Variants in ATRX observed in about 807,000 individuals in gnomAD.
The protein encoded by ATRX is ATRX chromatin remodeler, also known as chromatin remodeler ATRX.
ATRX carries 12 observed loss-of-function variants against 172.6 expected under a neutral mutation model. The ratio of observed to expected loss-of-function variants is 0.07; its 90% CI spans 0.04 to 0.11. ATRX has a LOEUF of 0.11. Among genes scored for constraint, ATRX ranks in the 10% least tolerant of loss-of-function variants. The pLI is 1.00. For synonymous variants in ATRX, 674 were observed against 594.7 expected (o/e 1.13, Z -1.94); for missense variants, 1,368 against 1,767.4 (o/e 0.77, Z 4.05).
At position 77,558,657 on chromosome X, in the gene ATRX, T is replaced by G. The variant is rs1434581448; in HGVS notation, c.6504+12A>C. The G allele has an allele frequency of 8.5e-7, 1 of 1,171,993 alleles. No homozygotes were observed. Among genetic ancestry groups the G allele is most frequent in the East Asian group, 3.0e-5 (1 of 33,528 alleles). ...TAAACTTTCAATATGAAAAAGAGAA[T>G]TATAAACCTACCTGAGCTAAGAACC... On this transcript the variant is annotated intron_variant, in intron 29 of 34. Coordinates refer to ENST00000373344, the MANE Select transcript of ATRX (RefSeq NM_000489.6).
intron 30 of ATRX, among the ~76,000 whole-genome samples, chrX:77,554,648 T>A: frequency 8.9e-6 from 1 of 111,775 alleles, no homozygotes; most frequent in Middle Eastern, 4.6e-3. Context: ...TCACACTTGA[T>A]TCTTCCCTTT....
Position 77,558,807 on chromosome X carries a change from T to G in ATRX, c.6366A>C (p.Leu2122=), listed in dbSNP as rs1239403082. The part of the protein sequence containing the change: ...LFIISTKAGS[L]GINLVAANRV... ...GATTAGCAGCTACCAGATTAATTCC[T>G]AGAGATCCTGCTTTAGTAGAAATGA... The change falls in exon 29 of 35, where the codon CTA becomes CTC. Residue 2122 remains leucine, a synonymous_variant. Transcript: ENST00000373344. 3 of 1,204,651 alleles carry G rather than the reference T, an allele frequency of 2.5e-6. No homozygotes were observed. The highest frequency in any genetic ancestry group is 4.6e-4 in the Middle Eastern group (2 of 4,323).
chrX:77,563,344 G>A (rs2065081811), intron 28 of ATRX, among the ~76,000 whole-genome samples: 1 of 112,379 alleles, frequency 8.9e-6, no homozygotes, highest in African/African-American at 3.2e-5. Context: ...AAAAGGCTAT[G>A]CTCTCTCCAT....
intron 17 of ATRX, among the ~76,000 whole-genome samples, chrX:77,634,231 G>GAAA (rs2068240342): frequency 1.7e-4 from 2 of 12,086 alleles, no homozygotes; most frequent in East Asian, 1.7e-3. Context: ...GTTAAAAGTT[G>GAAA]TAAAAAAAAA....
intron 34 of ATRX, among the ~76,000 whole-genome samples, chrX:77,515,711 A>G (rs372873579): frequency 8.9e-6 from 1 of 112,028 alleles, no homozygotes; most frequent in East Asian, 2.8e-4. Flanking sequence ...CAAATTCAAC[A>G]TGTTATAGAC....
At chrX:77,567,301 A>G (rs985871793) in intron 28 of ATRX, among the ~76,000 whole-genome samples, 3 of 111,961 alleles carry the variant, frequency 2.7e-5, no homozygotes, top group Admixed American at 9.5e-5. Flanking sequence ...TTTAAAAGAA[A>G]AATTAAGTGG....
chrX:77,571,889 A>G (rs1390311158), intron 28 of ATRX, among the ~76,000 whole-genome samples: 1 of 111,441 alleles, frequency 9.0e-6, no homozygotes, highest in East Asian at 2.8e-4. Flanking sequence ...CAGGTCACAC[A>G]AAACAACAAC....
chrX:77,781,454 A>AG (rs1309627530), intron 1 of ATRX, among the ~76,000 whole-genome samples: 1 of 108,274 alleles, frequency 9.2e-6, no homozygotes, highest in African/African-American at 3.3e-5. Context: ...AAAAAAAAAA[A>AG]AAAAAAAAAA....
intron 1 of ATRX, among the ~76,000 whole-genome samples, chrX:77,742,874 C>T (rs1557182950): frequency 8.9e-6 from 1 of 111,832 alleles, no homozygotes; most frequent in Non-Finnish European, 1.9e-5. Flanking sequence ...GGAGGGAACA[C>T]ATTCTGTGTC....
chrX:77,752,308 A>G (rs1370435821), intron 1 of ATRX, among the ~76,000 whole-genome samples: 1 of 111,423 alleles, frequency 9.0e-6, no homozygotes, highest in Non-Finnish European at 1.9e-5. Context: ...AATGCTTATG[A>G]TTTTTGCACA....
intron 27 of ATRX, among the ~76,000 whole-genome samples, chrX:77,577,661 C>T (rs1457578781): frequency 5.4e-5 from 6 of 111,244 alleles, no homozygotes; most frequent in African/African-American, 2.0e-4. Context: ...GCCAAGATGG[C>T]TTCAATGCTG....
intron 1 of ATRX, among the ~76,000 whole-genome samples, chrX:77,759,331 G>A (rs1350991091): frequency 2.7e-5 from 3 of 109,599 alleles, no homozygotes; most frequent in Non-Finnish European, 5.7e-5. Context: ...ATGCTCATGA[G>A]AACAGTCTTT....
chrX:77,539,714 C>T (rs782623146), intron 30 of ATRX, among the ~76,000 whole-genome samples: 43 of 111,790 alleles, frequency 3.8e-4, no homozygotes, highest in African/African-American at 1.3e-3. Context: ...TCCAGCTAAA[C>T]TAAGCTTTAT....
intron 34 of ATRX, among the ~76,000 whole-genome samples, chrX:77,513,800 AAGAG>A (rs2062959962): frequency 1.8e-5 from 2 of 111,876 alleles, no homozygotes; most frequent in Non-Finnish European, 3.8e-5. Flanking sequence ...TCCAAATAGG[AAGAG>A]AGAAAGTCAA....
At chrX:77,756,070 G>A (rs782755317) in intron 1 of ATRX, among the ~76,000 whole-genome samples, 1 of 111,967 alleles carries the variant, frequency 8.9e-6, no homozygotes, top group East Asian at 2.8e-4. Context: ...ATCTAGAGAC[G>A]CAGTCTGGCC....
At chrX:77,766,782 G>A (rs1186720025) in intron 1 of ATRX, among the ~76,000 whole-genome samples, 9 of 108,734 alleles carry the variant, frequency 8.3e-5, no homozygotes, top group Admixed American at 2.9e-4. Flanking sequence ...GACGATGGGC[G>A]GCCAGGCAGA....
intron 13 of ATRX, among the ~76,000 whole-genome samples, chrX:77,655,817 G>A (rs1483044204): frequency 2.7e-5 from 3 of 109,948 alleles, no homozygotes; most frequent in African/African-American, 3.3e-5. Context: ...AAAAAACCTC[G>A]AATGTTCTAA....
intron 3 of ATRX, 94 bp downstream of exon 3, chrX:77,698,480 C>T: frequency 1.3e-6 from 1 of 773,062 alleles, no homozygotes; most frequent in Non-Finnish European, 1.9e-6. Context: ...TATCAGTAGC[C>T]TTCGACACAT....
chrX:77,535,320 T>G (rs1223845623), intron 30 of ATRX, among the ~76,000 whole-genome samples: 1 of 112,028 alleles, frequency 8.9e-6, no homozygotes, highest in Non-Finnish European at 1.9e-5. Context: ...ACAGAACTTA[T>G]CACTTTAAAT....
Sources: allele counts gnomAD v4.1 joint callset (sites outside exome capture counted in the v4.1 genomes callset), GRCh38; gene constraint gnomAD v4.1.1; transcripts MANE v1.5; gene names NCBI Gene and HGNC (gene_info 2026-07-23, HGNC 2026-07-21).